The following SNTB1 variants were observed in gnomAD, a reference collection of about 807,000 sequenced individuals.
The protein encoded by SNTB1 is syntrophin beta 1.
In SNTB1, 36 loss-of-function variants were observed where a neutral mutation model predicts 48.9. That is an observed-to-expected ratio of 0.74 (90% CI 0.56 to 0.97). The LOEUF is 0.97. SNTB1 is among the 50% of genes least tolerant of loss of function. The pLI is 0.00. For synonymous variants in SNTB1, 299 were observed against 294.6 expected (o/e 1.01, Z -0.15); for missense variants, 786 against 703.4 (o/e 1.12, Z -1.33).
At chr8:120,802,252 T>A (rs924799547) in intron 1 of SNTB1, among the ~76,000 whole-genome samples, 3 of 152,186 alleles carry the variant, frequency 2.0e-5, no homozygotes, top group African/African-American at 7.2e-5. Flanking sequence ...TTGACTTTTT[T>A]CGGTTAATAA....
chr8:120,803,883 AG>A (rs1264962006), intron 1 of SNTB1, among the ~76,000 whole-genome samples: 1 of 152,218 alleles, frequency 6.6e-6, no homozygotes, highest in African/African-American at 2.4e-5. Flanking sequence ...CCTGAGCCAT[AG>A]GGGGTCAAAA....
intron 1 of SNTB1, among the ~76,000 whole-genome samples, chr8:120,696,874 A>G (rs1818219091): frequency 6.6e-6 from 1 of 152,224 alleles, no homozygotes; most frequent in Non-Finnish European, 1.5e-5. Flanking sequence ...GAAGGATGCA[A>G]ATGACAAGCT....
intron 1 of SNTB1, among the ~76,000 whole-genome samples, chr8:120,775,732 AAG>A (rs879595074): frequency 6.7e-6 from 1 of 149,452 alleles, no homozygotes; most frequent in Non-Finnish European, 1.5e-5. Context: ...GGAAGGAAGG[AAG>A]GAAGGAAGGA....
intron 1 of SNTB1, among the ~76,000 whole-genome samples, chr8:120,722,110 T>C (rs1358163440): frequency 6.6e-6 from 1 of 152,198 alleles, no homozygotes; most frequent in Admixed American, 6.5e-5. Context: ...GGTGTATATG[T>C]GCCACATTTT....
chr8:120,689,954 T>C (rs1818097694), intron 2 of SNTB1, among the ~76,000 whole-genome samples: 1 of 152,222 alleles, frequency 6.6e-6, no homozygotes, highest in Non-Finnish European at 1.5e-5. Flanking sequence ...GAGTTCGCAA[T>C]GTATTCAGAT....
intron 1 of SNTB1, among the ~76,000 whole-genome samples, chr8:120,790,120 C>T (rs1032717200): frequency 2.3e-4 from 35 of 151,646 alleles, no homozygotes; most frequent in African/African-American, 8.0e-4. Flanking sequence ...ATCACAAGAA[C>T]AATTAAAAAC....
chr8:120,760,605 TA>T (rs1454694544), intron 1 of SNTB1, among the ~76,000 whole-genome samples: 2 of 152,108 alleles, frequency 1.3e-5, no homozygotes, highest in Non-Finnish European at 2.9e-5. Flanking sequence ...GTTTGCACTG[TA>T]AAGGTCAAAG....
chr8:120,629,409 C>T (rs1387489781), intron 3 of SNTB1, among the ~76,000 whole-genome samples: 1 of 152,110 alleles, frequency 6.6e-6, no homozygotes, highest in African/African-American at 2.4e-5. Flanking sequence ...AACCTTGTCA[C>T]AGAGTGACTG....
chr8:120,586,356 G>A (rs1816139705), intron 3 of SNTB1, among the ~76,000 whole-genome samples: 1 of 152,172 alleles, frequency 6.6e-6, no homozygotes, highest in Admixed American at 6.5e-5. Flanking sequence ...TATAGTGCTG[G>A]AAGTCAGACG....
intron 6 of SNTB1, among the ~76,000 whole-genome samples, chr8:120,539,832 T>C (rs1359582866): frequency 6.6e-6 from 1 of 152,220 alleles, no homozygotes; most frequent in Non-Finnish European, 1.5e-5. Flanking sequence ...AAATATCTTC[T>C]ATCCACTATC....
chr8:120,673,502 G>A (rs1587079329), intron 2 of SNTB1, among the ~76,000 whole-genome samples: 1 of 152,172 alleles, frequency 6.6e-6, no homozygotes, highest in East Asian at 1.9e-4. Context: ...TGTTGGCCAG[G>A]CTGGTCTCAA....
At chr8:120,803,217 A>G (rs1269058459) in intron 1 of SNTB1, among the ~76,000 whole-genome samples, 7 of 152,168 alleles carry the variant, frequency 4.6e-5, no homozygotes, top group Non-Finnish European at 8.8e-5. Flanking sequence ...GCTAAAAAGT[A>G]TGGGTCATCA....
At chr8:120,584,438 C>CA (rs11443743) in intron 3 of SNTB1, among the ~76,000 whole-genome samples, 13,378 of 56,846 alleles carry the variant, frequency 0.24, 3,030 homozygotes, top group East Asian at 0.6. Context: ...AACTCCATCT[C>CA]AAAAAAAAAA....
chr8:120,620,868 T>G (rs140973804), intron 3 of SNTB1, among the ~76,000 whole-genome samples: 2,327 of 151,616 alleles, frequency 0.015, 69 homozygotes, highest in African/African-American at 0.054. Flanking sequence ...AAAATGCATC[T>G]TCCTCCTCCC....
intron 1 of SNTB1, among the ~76,000 whole-genome samples, chr8:120,800,029 G>C (rs903976224): frequency 1.3e-5 from 2 of 152,006 alleles, no homozygotes; most frequent in African/African-American, 4.8e-5. Context: ...AAGGAATGTA[G>C]CAATCTTATG....
chr8:120,619,748 T>C (rs1563833271), intron 3 of SNTB1, among the ~76,000 whole-genome samples: 1 of 152,206 alleles, frequency 6.6e-6, no homozygotes, highest in South Asian at 2.1e-4. Flanking sequence ...TTTGTCATTG[T>C]GTTAAGGGCC....
At chr8:120,646,671 T>C (rs1483944624) in intron 2 of SNTB1, among the ~76,000 whole-genome samples, 12 of 151,884 alleles carry the variant, frequency 7.9e-5, no homozygotes, top group East Asian at 5.8e-4. Context: ...AGAATGATGC[T>C]GGCCTCATAA....
At chr8:120,553,094 C>T (rs1010801834) in intron 4 of SNTB1, among the ~76,000 whole-genome samples, 4 of 152,166 alleles carry the variant, frequency 2.6e-5, no homozygotes, top group African/African-American at 9.7e-5. Flanking sequence ...GCTGTGCAGT[C>T]CCATTCCTAA....
At chr8:120,609,044 T>C (rs1351865814) in intron 3 of SNTB1, among the ~76,000 whole-genome samples, 1 of 152,160 alleles carries the variant, frequency 6.6e-6, no homozygotes, top group Non-Finnish European at 1.5e-5. Flanking sequence ...GGGGAATGAA[T>C]TAGAGATATT....
Sources: gnomAD v4.1 joint callset for allele counts (sites outside exome capture counted in the v4.1 genomes callset) on GRCh38, gnomAD v4.1.1 for gene constraint, MANE v1.5 for transcripts, NCBI Gene and HGNC (gene_info 2026-07-23, HGNC 2026-07-21) for gene names.